The following EYA2 variants were observed in gnomAD, a reference collection of about 807,000 sequenced individuals.
EYA2 encodes EYA transcriptional coactivator and phosphatase 2, also known as protein phosphatase EYA2.
A neutral mutation model predicts 69.2 loss-of-function variants in EYA2; 31 were observed. The ratio of observed to expected loss-of-function variants is 0.45; its 90% CI spans 0.34 to 0.60. EYA2 has a LOEUF of 0.60. EYA2 is among the 20% of genes least tolerant of loss of function. The pLI, the probability that EYA2 is intolerant of heterozygous loss-of-function variation, is 0.02. For synonymous variants in EYA2, 257 were observed against 279.4 expected, an observed-to-expected ratio of 0.92 and a Z score of 0.80; for missense variants, 622 against 701.2, an observed-to-expected ratio of 0.89 and a Z score of 1.28.
chr20:47,097,859 C>T (rs975859106), intron 9 of EYA2, among the ~76,000 whole-genome samples: 2 of 152,192 alleles, frequency 1.3e-5, no homozygotes, highest in African/African-American at 4.8e-5. Context: ...GTCATCTCTT[C>T]AGGGGCACGC....
intron 5 of EYA2, among the ~76,000 whole-genome samples, chr20:47,037,793 A>G (rs1984806387): frequency 6.6e-6 from 1 of 152,088 alleles, no homozygotes; most frequent in Non-Finnish European, 1.5e-5. Flanking sequence ...ATCCAGGATC[A>G]CCTCCCGATC....
chr20:46,909,671 A>G (rs150515833), intron 1 of EYA2, among the ~76,000 whole-genome samples: 2 of 152,326 alleles, frequency 1.3e-5, no homozygotes, highest in Non-Finnish European at 2.9e-5. Flanking sequence ...TCTCTGTTCA[A>G]GAGGATTCTG....
chr20:46,992,860 C>T (rs943604944), intron 2 of EYA2, among the ~76,000 whole-genome samples: 4 of 152,190 alleles, frequency 2.6e-5, no homozygotes, highest in African/African-American at 9.7e-5. Context: ...GGACATTCCA[C>T]CCTGGAGCAT....
rs944777623 is a variant in EYA2, at chr20:46,999,542, C to A, written c.110-1886C>A. 4.6e-5 allele frequency among the ~76,000 whole-genome samples: 7 copies of A among 152,360 alleles called. No individual in the cohort carries two copies. The East Asian group carries it at 9.6e-4, about 21-fold the overall frequency. ...CACACAACACATTCTCACACCTGGA[C>A]CTGCAACAAAAGGGTTACACAATTC... On this transcript the variant is annotated intron_variant, in intron 2 of 15. Coordinates refer to ENST00000327619, the MANE Select transcript of EYA2 (RefSeq NM_005244.5).
At position 47,053,667 on chromosome 20, in the gene EYA2, C is replaced by CAAAA. The variant is rs1215223667; in HGVS notation, c.416-18502_416-18499dup. ...GGGGGACAGGAGTGAGACCTTGTCT[C>CAAAA]AAAAAAAAAAAAAAAAAAAGAGTAA... On this transcript the variant is annotated intron_variant, in intron 5 of 15. Transcript: ENST00000327619. 8.9e-3 allele frequency among the ~76,000 whole-genome samples: 591 copies of CAAAA among 66,774 alleles called. 8 individuals carry two copies. The highest frequency in any genetic ancestry group is 0.032 in the African/African-American group (558 of 17,506). The allele number at this position is 66,774 out of a possible 152,430, so 43.8% of individuals were successfully genotyped here.
intron 5 of EYA2, among the ~76,000 whole-genome samples, chr20:47,034,350 C>G (rs1368542564): frequency 6.6e-6 from 1 of 152,060 alleles, no homozygotes; most frequent in Non-Finnish European, 1.5e-5. Context: ...AAATGTGAGT[C>G]AACATTAAGC....
chr20:46,966,885 A>G (rs1600589774), intron 1 of EYA2, among the ~76,000 whole-genome samples: 1 of 152,094 alleles, frequency 6.6e-6, no homozygotes, highest in Non-Finnish European at 1.5e-5. Context: ...ATTTCAATAC[A>G]TCATCCATAC....
At chr20:47,002,301 C>G (rs1982431738) in intron 3 of EYA2, among the ~76,000 whole-genome samples, 1 of 152,128 alleles carries the variant, frequency 6.6e-6, no homozygotes, top group Non-Finnish European at 1.5e-5. Flanking sequence ...GTCAACCCAT[C>G]ACCTAGGTAT....
At chr20:46,905,053 TA>T (rs1248925575) in intron 1 of EYA2, among the ~76,000 whole-genome samples, 2 of 152,042 alleles carry the variant, frequency 1.3e-5, no homozygotes, top group Non-Finnish European at 2.9e-5. Context: ...AATTAAAGTA[TA>T]CAGGTATGCC....
chr20:46,999,207 G>A (rs1982210609), intron 2 of EYA2, among the ~76,000 whole-genome samples: 1 of 152,164 alleles, frequency 6.6e-6, no homozygotes, highest in Non-Finnish European at 1.5e-5. Flanking sequence ...AACATTTAAA[G>A]TGTTTAATTC....
chr20:47,139,453 A>G (rs2033547603), intron 9 of EYA2, among the ~76,000 whole-genome samples: 1 of 152,102 alleles, frequency 6.6e-6, no homozygotes, highest in South Asian at 2.1e-4. Flanking sequence ...TTTTTTTGGT[A>G]CGGAGTTTCA....
At chr20:47,087,948 G>A (rs912116584) in intron 7 of EYA2, among the ~76,000 whole-genome samples, 7 of 152,218 alleles carry the variant, frequency 4.6e-5, no homozygotes, top group Non-Finnish European at 7.3e-5. Flanking sequence ...GAGAAGTGGC[G>A]GGGCACAGTG....
In EYA2 at chr20:47,072,761, G is replaced by A. The variant is rs141531249; in HGVS notation, c.483+509G>A. 3.0e-3 allele frequency among the ~76,000 whole-genome samples: 464 copies of A among 152,268 alleles called. 1 individual carries two copies. The highest frequency in any genetic ancestry group is 0.01 in the African/African-American group (427 of 41,556). ...CACTTACAAAGTGAATTAAGAGTTC[G>A]CATCTGCTCAAAGTGTGCAGTAACT... On this transcript the variant is annotated intron_variant, in intron 6 of 15. Coordinates refer to ENST00000327619, the MANE Select transcript of EYA2 (RefSeq NM_005244.5).
At chr20:47,167,337 A>G (rs1326290884) in intron 10 of EYA2, among the ~76,000 whole-genome samples, 1 of 131,858 alleles carries the variant, frequency 7.6e-6, no homozygotes, top group Non-Finnish European at 1.5e-5. Context: ...GCTGGCGTGC[A>G]GTGGTGTGAT....
At chr20:46,923,847 TAA>T (rs1985289741) in intron 1 of EYA2, among the ~76,000 whole-genome samples, 1 of 152,234 alleles carries the variant, frequency 6.6e-6, no homozygotes, top group Admixed American at 6.5e-5. Flanking sequence ...TCTTGTTTAC[TAA>T]AACAGTATTT....
At chr20:47,159,655 G>A (rs762010385) in intron 10 of EYA2, among the ~76,000 whole-genome samples, 5 of 152,054 alleles carry the variant, frequency 3.3e-5, no homozygotes, top group Non-Finnish European at 5.9e-5. Flanking sequence ...TGGGGTGTAT[G>A]GGAACTCTCT....
intron 5 of EYA2, 162 bp from the exon 6 acceptor site, chr20:47,072,023 T>C: frequency 2.9e-6 from 2 of 681,786 alleles, no homozygotes; most frequent in Non-Finnish European, 2.6e-6. Context: ...CTGGGTTGCT[T>C]TGGGAACGCT....
intron 1 of EYA2, chr20:46,978,365 T>C: frequency 5.8e-6 from 2 of 347,006 alleles, no homozygotes; most frequent in Non-Finnish European, 1.1e-5. Context: ...CTGTGAAAGC[T>C]GCAGGAGGGA....
chr20:47,008,330 T>C (rs1054521930), intron 4 of EYA2, among the ~76,000 whole-genome samples: 2 of 151,966 alleles, frequency 1.3e-5, no homozygotes, highest in African/African-American at 2.4e-5. Flanking sequence ...GTGGCAGAGG[T>C]GGAATTAAGC....
Sources: gnomAD v4.1 joint callset for allele counts (sites outside exome capture counted in the v4.1 genomes callset) on GRCh38, gnomAD v4.1.1 for gene constraint, MANE v1.5 for transcripts, NCBI Gene and HGNC (gene_info 2026-07-23, HGNC 2026-07-21) for gene names.